The following TLCD3B variants were observed in gnomAD, a reference collection of about 807,000 sequenced individuals.
The protein encoded by TLCD3B is TLC domain containing 3B.
Under a neutral mutation model 23.0 loss-of-function variants are expected in TLCD3B, and 9 were observed. That is an observed-to-expected ratio of 0.39 (90% CI 0.24 to 0.68). The LOEUF is 0.68. Among genes scored for constraint, TLCD3B ranks in the 30% least tolerant of loss-of-function variants. The pLI, the probability that TLCD3B is intolerant of heterozygous loss-of-function variation, is 0.44. For synonymous variants in TLCD3B, 161 were observed against 161.0 expected, an observed-to-expected ratio of 1.00 and a Z score of 0.00; for missense variants, 307 against 371.8, an observed-to-expected ratio of 0.83 and a Z score of 1.43.
intron 2 of TLCD3B, 134 bp from the exon 3 acceptor site, chr16:30,026,977 TAG>T: frequency 1.3e-6 from 1 of 767,648 alleles, no homozygotes; most frequent in South Asian, 1.5e-5. Flanking sequence ...ATCCAGAGGG[TAG>T]AGGGTGAGAA....
Position 30,025,362 on chromosome 16 carries a change from C to A in TLCD3B, c.646G>T (p.Gly216Trp). ...AGCAGGGGCAGGCCGGCATGGCGCC[C>A]GTAGGCCCAGTACAGGTAGGGAAAG... is the stretch of plus-strand genomic sequence containing the variant. Reference protein sequence around the residue: ...LLFPYLYWAYGRHAGLPLLAV... With the variant: ...LLFPYLYWAYWRHAGLPLLAV... The change falls in exon 5 of 5, where the codon GGG becomes TGG. Residue 216 changes from glycine to tryptophan, a missense_variant. Transcript: ENST00000380495. The surrounding 1 kb of genome is among the most constrained non-coding windows in gnomAD (Gnocchi z 4.1). 1 of 1,601,396 alleles carries A rather than the reference C, an allele frequency of 6.2e-7. No homozygotes were observed.
At chr16:30,035,437 C>T (rs762872407), upstream of TLCD3B, 15 of 1,289,460 alleles carry the variant, frequency 1.2e-5, no homozygotes, top group East Asian at 2.8e-4. Context: ...TGAAGCACAA[C>T]GGGAAGAAGA....
chr16:30,039,113 T>TAA lies in TLCD3B; in HGVS notation c.-67+1881_-67+1882insTT, dbSNP rs2071532864. 1.3e-4 allele frequency among the ~76,000 whole-genome samples: 18 copies of TAA among 137,444 alleles called. 4 individuals carry two copies. The highest frequency in any genetic ancestry group is 1.1e-3 in the East Asian group (5 of 4,754). The allele number at this position is 137,444 out of a possible 152,430, so 90.2% of individuals were successfully genotyped here. A position where few individuals can be genotyped will look rare whatever the true frequency, so the allele number is the denominator to read the frequency against. ...CCTCCTCCTTCCTCTCTTTTTTTTTTTTTTTTTTTTTTTTTTTTTTAGATG... is the reference window on the plus strand; with the variant it reads ...CCTCCTCCTTCCTCTCTTTTTTTTTTAATTTTTTTTTTTTTTTTTTTTAGATG... On this transcript the variant is annotated intron_variant, in intron 3 of 6. Coordinates refer to the TLCD3B transcript ENST00000561666.
At position 30,029,671 on chromosome 16, in the gene TLCD3B, T is replaced by A. The variant is rs1360749637; in HGVS notation, c.126-156A>T. 80 of 670,578 alleles carry A rather than the reference T, an allele frequency of 1.2e-4. No homozygotes were observed. The Admixed American group carries it at 1.8e-3, about 15-fold the overall frequency. 41.5% of individuals were successfully genotyped at this position (670,578 alleles called of 1,614,324 possible). Reference sequence around the variant, plus strand: ...GCCCAAGGCTGGGCTGCCTGAGGTGTGCCCCACCACAGGTACCTCACGGCT... The same window carrying A: ...GCCCAAGGCTGGGCTGCCTGAGGTGAGCCCCACCACAGGTACCTCACGGCT... On this transcript the variant is annotated intron_variant, in intron 1 of 4. Coordinates refer to ENST00000380495, the MANE Select transcript of TLCD3B (RefSeq NM_031478.6). The surrounding 1 kb of genome is among the most constrained non-coding windows in gnomAD (Gnocchi z 4.6).
At chr16:30,043,885 C>T (rs538105382) in intron 2 of TLCD3B, among the ~76,000 whole-genome samples, 38 of 151,602 alleles carry the variant, frequency 2.5e-4, no homozygotes, top group Non-Finnish European at 5.2e-4. Flanking sequence ...AGGGTTTCGC[C>T]ATGTTGCTCA....
intron 2 of TLCD3B, chr16:30,027,294 G>A (rs1045921688): frequency 2.5e-5 from 10 of 403,826 alleles, no homozygotes; most frequent in Non-Finnish European, 4.5e-5. Context: ...CCTGCCTCCT[G>A]GGACAGGCGA....
intron 2 of TLCD3B, among the ~76,000 whole-genome samples, chr16:30,027,348 A>C (rs1175047600): frequency 1.3e-5 from 2 of 152,094 alleles, no homozygotes; most frequent in Non-Finnish European, 2.9e-5. Flanking sequence ...CCCTCCCAAA[A>C]CCCTGTAAAA....
chr16:30,035,853 C>T (rs535027124), upstream of TLCD3B, among the ~76,000 whole-genome samples: 1 of 151,448 alleles, frequency 6.6e-6, no homozygotes, highest in African/African-American at 2.4e-5. Context: ...ACCTCCACCT[C>T]CCGGGTTCAA....
upstream of TLCD3B, among the ~76,000 whole-genome samples, chr16:30,035,885 C>T (rs571931729): frequency 2.2e-4 from 33 of 151,876 alleles, 1 homozygote; most frequent in East Asian, 6.4e-3. Flanking sequence ...GCTTCAGCCT[C>T]CTGAGTAGCT....
upstream of TLCD3B, chr16:30,032,516 G>C (rs1448610200): frequency 1.3e-5 from 2 of 152,208 alleles, no homozygotes; most frequent in Admixed American, 6.5e-5. Context: ...CCCTTCACGG[G>C]AGGGGGAAAG....
intron 3 of TLCD3B, chr16:30,036,567 G>T (rs768248861): frequency 3.0e-5 from 13 of 429,128 alleles, no homozygotes; most frequent in Non-Finnish European, 5.2e-5. Context: ...GGCAGTTGGG[G>T]AGGGCAGGAG....
At chr16:30,037,017 A>G (rs1410184610) in intron 3 of TLCD3B, among the ~76,000 whole-genome samples, 1 of 151,440 alleles carries the variant, frequency 6.6e-6, no homozygotes, top group Non-Finnish European at 1.5e-5. Flanking sequence ...CCCGGGAGGC[A>G]GAGGTTGCAA....
At chr16:30,026,285 C>T (rs1229330848) in intron 3 of TLCD3B, among the ~76,000 whole-genome samples, 3 of 152,140 alleles carry the variant, frequency 2.0e-5, no homozygotes, top group African/African-American at 4.8e-5. Context: ...AGGTGCATGA[C>T]TTGGCTGCAT....
At chr16:30,028,169 G>A (rs1162083570) in intron 2 of TLCD3B, among the ~76,000 whole-genome samples, 1 of 152,210 alleles carries the variant, frequency 6.6e-6, no homozygotes, top group African/African-American at 2.4e-5. Flanking sequence ...CCCAGCAGAG[G>A]TGATGGGAGA....
At position 30,024,593 on chromosome 16, in the gene TLCD3B, C is replaced by T. The variant is rs938136438; in HGVS notation, c.*590G>A. Reference sequence around the variant, plus strand: ...TGAGGGACTGGGCGCCCTCGCCTGCCCCCGGGGTTGTCAGCACTGGGAAGG... The same window carrying T: ...TGAGGGACTGGGCGCCCTCGCCTGCTCCCGGGGTTGTCAGCACTGGGAAGG... On this transcript the variant is annotated 3_prime_UTR_variant, in exon 5 of 5. Coordinates refer to ENST00000380495, the MANE Select transcript of TLCD3B (RefSeq NM_031478.6). 4 of 307,356 alleles carry T rather than the reference C, an allele frequency of 1.3e-5. No homozygotes were observed. Among genetic ancestry groups the T allele is most frequent in the Non-Finnish European group, 2.4e-5 (4 of 165,934 alleles). 19.0% of individuals were successfully genotyped at this position (307,356 alleles called of 1,614,324 possible). A position where few individuals can be genotyped will look rare whatever the true frequency, so the allele number is the denominator to read the frequency against.
chr16:30,037,087 T>A (rs1216860687), intron 3 of TLCD3B, among the ~76,000 whole-genome samples: 18 of 144,460 alleles, frequency 1.2e-4, no homozygotes, highest in East Asian at 6.3e-4. Context: ...TCTCAAAAAA[T>A]AAATAAATAA....
In TLCD3B at chr16:30,030,599, G is replaced by A. The variant is rs2071327873; in HGVS notation, c.-72C>T. On this transcript the variant is annotated 5_prime_UTR_variant, in exon 1 of 5. Transcript: ENST00000380495. ...AGGGAGGCCGAGTGGAAGGAGTTAGGGGTGGAGAAGGGACGCCAAGCCCGG... is the reference window on the plus strand; with the variant it reads ...AGGGAGGCCGAGTGGAAGGAGTTAGAGGTGGAGAAGGGACGCCAAGCCCGG... 1 of 1,464,758 alleles carries A rather than the reference G, an allele frequency of 6.8e-7. No homozygotes were observed. Among genetic ancestry groups the A allele is most frequent in the Non-Finnish European group, 9.0e-7 (1 of 1,111,688 alleles). 90.7% of individuals were successfully genotyped at this position (1,464,758 alleles called of 1,614,324 possible). A position where few individuals can be genotyped will look rare whatever the true frequency, so the allele number is the denominator to read the frequency against.
In TLCD3B at chr16:30,036,999, C is replaced by T. The variant is rs546810122; in HGVS notation, c.-66-785G>A. The stretch of plus-strand genomic sequence containing the variant: ...ATTCAGGAGGCTGAGGCAGGAGAAT[C>T]GCTTGAACCCGGGAGGCAGAGGTTG... On this transcript the variant is annotated intron_variant, in intron 3 of 6. Coordinates refer to the TLCD3B transcript ENST00000561666. 2.0e-5 allele frequency among the ~76,000 whole-genome samples: 3 copies of T among 151,100 alleles called. No individual in the cohort carries two copies. In the East Asian group the frequency reaches 5.9e-4, roughly 30 times the overall value.
intron 1 of TLCD3B, 81 bp downstream of exon 1, chr16:30,030,322 T>A: frequency 2.9e-6 from 4 of 1,378,496 alleles, no homozygotes; most frequent in Admixed American, 2.1e-5. Context: ...CCGCTGAGGG[T>A]CCAGAGAAGT....
Sources: gnomAD v4.1 joint callset for allele counts (sites outside exome capture counted in the v4.1 genomes callset) on GRCh38, gnomAD v4.1.1 for gene constraint, Gnocchi (gnomAD v3.1) non-coding constraint, MANE v1.5 for transcripts, NCBI Gene and HGNC (gene_info 2026-07-23, HGNC 2026-07-21) for gene names.